AIG1: variants seen among roughly 807,000 people sequenced by gnomAD.
The protein encoded by AIG1 is androgen induced 1, also known as androgen-induced gene 1 protein.
AIG1 carries 23 observed loss-of-function variants against 31.4 expected under a neutral mutation model. The observed-to-expected ratio is 0.73, with a 90% CI of 0.53 to 1.04. AIG1 has a LOEUF of 1.04. Ranked by LOEUF, AIG1 falls within the 50% of genes least tolerant of loss-of-function variation. AIG1 has a pLI of 0.00. For synonymous variants in AIG1, 100 were observed against 110.5 expected, an observed-to-expected ratio of 0.90 and a Z score of 0.60; for missense variants, 274 against 295.0, an observed-to-expected ratio of 0.93 and a Z score of 0.52.
chr6:143,128,250 A>T (rs1017813293), intron 1 of AIG1, among the ~76,000 whole-genome samples: 1 of 152,220 alleles, frequency 6.6e-6, no homozygotes. Flanking sequence ...ACTTGCGAAA[A>T]TGAATTTAAA....
intron 1 of AIG1, among the ~76,000 whole-genome samples, chr6:143,071,386 C>G (rs1234343937): frequency 6.6e-6 from 1 of 152,188 alleles, no homozygotes; most frequent in Non-Finnish European, 1.5e-5. Flanking sequence ...AATAAAGCTG[C>G]TGTGGACATT....
intron 3 of AIG1, among the ~76,000 whole-genome samples, chr6:143,201,334 AG>A (rs1203403778): frequency 6.6e-6 from 1 of 151,904 alleles, no homozygotes; most frequent in Non-Finnish European, 1.5e-5. Flanking sequence ...ACTCCAGCCT[AG>A]GTGACAAAGT....
chr6:143,260,551 C>T lies in AIG1; in HGVS notation c.400-23559C>T, dbSNP rs542238343. Among the ~76,000 whole-genome samples the T allele has an allele frequency of 3.9e-5, 6 of 152,152 alleles. No homozygotes were observed. The South Asian group carries it at 1.0e-3, about 26-fold the overall frequency. On this transcript the variant is annotated intron_variant, in intron 3 of 5. Coordinates refer to ENST00000357847, the MANE Select transcript of AIG1 (RefSeq NM_016108.4). ...TCAAAAACCTGTGGGGTGCTGTGGT[C>T]GCAAGAAAGAATCAGGAAAAGACCA...
intron 1 of AIG1, among the ~76,000 whole-genome samples, chr6:143,080,564 A>T (rs1439167215): frequency 6.6e-6 from 1 of 152,068 alleles, no homozygotes; most frequent in Non-Finnish European, 1.5e-5. Context: ...AAGGGGAGCT[A>T]CTGGTAGTAC....
intron 3 of AIG1, among the ~76,000 whole-genome samples, chr6:143,208,961 G>A (rs1220086109): frequency 6.6e-6 from 1 of 151,992 alleles, no homozygotes; most frequent in East Asian, 1.9e-4. Context: ...TCCTGCAGTA[G>A]CCAAATGGCA....
chr6:143,065,188 C>A (rs556694742), intron 1 of AIG1, among the ~76,000 whole-genome samples: 47 of 152,218 alleles, frequency 3.1e-4, no homozygotes, highest in Middle Eastern at 6.8e-3. Context: ...TTTCGGTTGC[C>A]CCAGACTTCT....
chr6:143,105,176 A>G (rs1780690051), intron 1 of AIG1, among the ~76,000 whole-genome samples: 1 of 152,210 alleles, frequency 6.6e-6, no homozygotes, highest in Non-Finnish European at 1.5e-5. Flanking sequence ...GGTAAGACAG[A>G]TGGTTAATGG....
intron 1 of AIG1, among the ~76,000 whole-genome samples, chr6:143,120,335 T>G (rs1274212306): frequency 2.6e-5 from 4 of 152,184 alleles, no homozygotes; most frequent in African/African-American, 9.7e-5. Flanking sequence ...ATGAACACCT[T>G]TGGATAATGT....
chr6:143,105,177 T>C (rs1448206941), intron 1 of AIG1, among the ~76,000 whole-genome samples: 2 of 152,084 alleles, frequency 1.3e-5, no homozygotes, highest in Non-Finnish European at 2.9e-5. Context: ...GTAAGACAGA[T>C]GGTTAATGGA....
At chr6:143,112,160 A>G (rs1381358563) in intron 1 of AIG1, among the ~76,000 whole-genome samples, 1 of 151,848 alleles carries the variant, frequency 6.6e-6, no homozygotes, top group African/African-American at 2.4e-5. Context: ...ACCCCTTTTC[A>G]CCTGCCTGAC....
intron 1 of AIG1, among the ~76,000 whole-genome samples, chr6:143,071,050 C>T (rs528477854): frequency 1.8e-4 from 28 of 152,298 alleles, no homozygotes; most frequent in Non-Finnish European, 2.2e-4. Flanking sequence ...TCCATTATCA[C>T]GAAGATACCT....
intron 1 of AIG1, among the ~76,000 whole-genome samples, chr6:143,092,771 C>G (rs557584485): frequency 6.6e-6 from 1 of 152,110 alleles, no homozygotes; most frequent in South Asian, 2.1e-4. Flanking sequence ...GAGGTCAGGT[C>G]AGGTGCAGTG....
intron 3 of AIG1, among the ~76,000 whole-genome samples, chr6:143,224,670 G>C (rs1362805198): frequency 6.6e-6 from 1 of 152,132 alleles, no homozygotes; most frequent in Non-Finnish European, 1.5e-5. Flanking sequence ...CGTGTTTAGT[G>C]CTATGAGTAA....
chr6:143,339,448 G>A (rs1231922834), intron 5 of AIG1, 191 bp from the exon 6 acceptor site: 2 of 508,440 alleles, frequency 3.9e-6, no homozygotes, highest in Non-Finnish European at 6.9e-6. Context: ...AGGTCACTGA[G>A]GATGTTTCTG....
Position 143,327,614 on chromosome 6 carries a change from A to C in AIG1, c.516-5668A>C. 1 of 312,632 alleles carries C rather than the reference A, an allele frequency of 3.2e-6. No homozygotes were observed. 19.4% of individuals were successfully genotyped at this position (312,632 alleles called of 1,614,324 possible). On this transcript the variant is annotated intron_variant, in intron 4 of 5. Coordinates refer to ENST00000357847, the MANE Select transcript of AIG1 (RefSeq NM_016108.4). This position sits in a 1 kb window ranked among gnomAD's most constrained non-coding sequence, Gnocchi z 5.3. ...TTCAGTTACCTATGTACCTGTTACC[A>C]CTTTCAAAAATCTGCAGATAGTCAA...
chr6:143,182,849 CT>C (rs1217115432), intron 3 of AIG1, among the ~76,000 whole-genome samples: 2 of 152,200 alleles, frequency 1.3e-5, no homozygotes, highest in Admixed American at 6.5e-5. Context: ...CTCTTGTTCT[CT>C]TTTTCTCTCA....
intron 3 of AIG1, among the ~76,000 whole-genome samples, chr6:143,259,498 AG>A (rs772928256): frequency 1.3e-5 from 2 of 152,106 alleles, no homozygotes; most frequent in Non-Finnish European, 2.9e-5. Context: ...GAGTCCTTCA[AG>A]GTTTTTTCTT....
chr6:143,126,702 T>A (rs1375257238), intron 1 of AIG1, among the ~76,000 whole-genome samples: 1 of 152,190 alleles, frequency 6.6e-6, no homozygotes, highest in Admixed American at 6.5e-5. Context: ...AATAACTTTT[T>A]ATGCTATAAA....
At chr6:143,307,496 G>A (rs1447805537) in intron 4 of AIG1, among the ~76,000 whole-genome samples, 12 of 152,152 alleles carry the variant, frequency 7.9e-5, no homozygotes, top group South Asian at 2.1e-4. Context: ...TAACAGCAGC[G>A]GTGGCTGCAG....
Sources: gnomAD v4.1 joint callset for allele counts (sites outside exome capture counted in the v4.1 genomes callset) on GRCh38, gnomAD v4.1.1 for gene constraint, Gnocchi (gnomAD v3.1) non-coding constraint, MANE v1.5 for transcripts, NCBI Gene and HGNC (gene_info 2026-07-23, HGNC 2026-07-21) for gene names.